Variants in SERPINE3 observed in about 807,000 individuals in gnomAD.
The protein encoded by SERPINE3 is serpin E3.
Under a neutral mutation model 41.7 loss-of-function variants are expected in SERPINE3, and 43 were observed. That is an observed-to-expected ratio of 1.03 (90% CI 0.81 to 1.33). The LOEUF (loss-of-function observed/expected upper bound fraction) is 1.33. SERPINE3 is among the 40% of genes most tolerant of loss of function. The pLI is 0.00. For synonymous variants in SERPINE3, 200 were observed against 192.2 expected, an observed-to-expected ratio of 1.04 and a Z score of -0.34; for missense variants, 440 against 491.7, an observed-to-expected ratio of 0.89 and a Z score of 0.99.
intron 4 of SERPINE3, among the ~76,000 whole-genome samples, chr13:51,346,050 T>A (rs1256308557): frequency 6.6e-6 from 1 of 152,206 alleles, no homozygotes; most frequent in Non-Finnish European, 1.5e-5. Context: ...GAGCCTCAGT[T>A]CCCTCACCTG....
intron 5 of SERPINE3, among the ~76,000 whole-genome samples, chr13:51,347,488 T>A (rs552250772): frequency 5.8e-4 from 88 of 152,244 alleles, no homozygotes; most frequent in Middle Eastern, 3.4e-3. Flanking sequence ...TGCCTGACAT[T>A]TCCTTCTGCA....
Position 51,364,597 on chromosome 13 carries a change from T to C in SERPINE3, c.*315T>C, listed in dbSNP as rs1363817623. 2 of 223,258 alleles carry C rather than the reference T, an allele frequency of 9.0e-6. No homozygotes were observed. Among genetic ancestry groups the C allele is most frequent in the African/African-American group, 4.6e-5 (2 of 43,924 alleles). 13.8% of individuals were successfully genotyped at this position (223,258 alleles called of 1,614,324 possible). A position where few individuals can be genotyped will look rare whatever the true frequency, so the allele number is the denominator to read the frequency against. ...CTCAGTACGGATACTCTAGGCCATGTTGAATTGAGGGTGGAGAATGAATAG... is the reference window on the plus strand; with the variant it reads ...CTCAGTACGGATACTCTAGGCCATGCTGAATTGAGGGTGGAGAATGAATAG... On this transcript the variant is annotated 3_prime_UTR_variant, in exon 10 of 10. Coordinates refer to ENST00000681248, the MANE Select transcript of SERPINE3 (RefSeq NM_001386375.1).
intron 5 of SERPINE3, 27 bp from the exon 6 acceptor site, chr13:51,348,186 C>T: frequency 6.5e-7 from 1 of 1,536,174 alleles, no homozygotes; most frequent in Non-Finnish European, 8.8e-7. Flanking sequence ...TGGGACAGAG[C>T]TGACCTCTGA....
At chr13:51,351,793 T>C (rs1304930164) in intron 6 of SERPINE3, among the ~76,000 whole-genome samples, 1 of 152,146 alleles carries the variant, frequency 6.6e-6, no homozygotes. Context: ...AGGTCTTTAA[T>C]CCATTTTGAA....
In SERPINE3 at chr13:51,355,121, A is replaced by T; in HGVS notation, c.978A>T (p.Lys326Asn). 6.5e-7 allele frequency: 1 copy of T among 1,537,430 alleles called. No homozygotes were observed. The highest frequency in any genetic ancestry group is 8.8e-7 in the Non-Finnish European group (1 of 1,132,668). ...WGVTDLFDPLKANLKGISGQD... is the reference protein window; with the variant it reads ...WGVTDLFDPLNANLKGISGQD... ...TCACCGATCTTTTTGATCCACTCAA[A>T]GCTAACTTGAAAGGAATTTCAGGTA... The change falls in exon 7 of 10, where the codon AAA becomes AAT. Residue 326 changes from lysine to asparagine, a missense_variant. By Grantham distance (94) the Lys-to-Asn change is moderately conservative. Coordinates refer to ENST00000681248, the MANE Select transcript of SERPINE3 (RefSeq NM_001386375.1).
intron 7 of SERPINE3, among the ~76,000 whole-genome samples, chr13:51,359,346 C>T (rs1227852434): frequency 6.6e-6 from 1 of 152,070 alleles, no homozygotes; most frequent in Non-Finnish European, 1.5e-5. Flanking sequence ...TCATTTTTAT[C>T]GCATATGTTG....
chr13:51,361,980 AATAAGCATT>A lies in SERPINE3; in HGVS notation c.1171+88_1171+96del, dbSNP rs1322551328. Reference sequence around the variant, plus strand: ...CTCATTTGTCCACTATCCCCTCAAAAATAAGCATTCTTTCTAGCTGTTTTTATGGTGCTT... The same window carrying A: ...CTCATTTGTCCACTATCCCCTCAAAACTTTCTAGCTGTTTTTATGGTGCTT... On this transcript the variant is annotated intron_variant, in intron 9 of 9. Coordinates refer to ENST00000681248, the MANE Select transcript of SERPINE3 (RefSeq NM_001386375.1). 5 of 1,610,882 alleles carry A rather than the reference AATAAGCATT, an allele frequency of 3.1e-6. No homozygotes were observed. The Admixed American group carries it at 6.7e-5, about 22-fold the overall frequency.
At chr13:51,348,716 G>A in intron 6 of SERPINE3, 1 of 332,430 alleles carries the variant, frequency 3.0e-6, no homozygotes, top group Non-Finnish European at 5.6e-6. Flanking sequence ...CCAGCCCTAG[G>A]CTGGACCAGT....
At chr13:51,348,844 T>C (rs1566192958) in intron 6 of SERPINE3, among the ~76,000 whole-genome samples, 1 of 152,282 alleles carries the variant, frequency 6.6e-6, no homozygotes, top group Non-Finnish European at 1.5e-5. Flanking sequence ...ACTTACGTAA[T>C]TGAGCAAGTA....
At chr13:51,361,073 A>G (rs1955566635) in intron 7 of SERPINE3, among the ~76,000 whole-genome samples, 1 of 152,070 alleles carries the variant, frequency 6.6e-6, no homozygotes, top group Admixed American at 6.6e-5. Flanking sequence ...AAAGTTTGGT[A>G]ACATATTGAG....
chr13:51,361,558 A>T, intron 8 of SERPINE3, 194 bp downstream of exon 8: 1 of 588,406 alleles, frequency 1.7e-6, no homozygotes, highest in Non-Finnish European at 3.0e-6. Context: ...TATCCATCCC[A>T]TAAAAATAAT....
intron 7 of SERPINE3, among the ~76,000 whole-genome samples, chr13:51,359,972 A>C (rs1240594763): frequency 6.6e-6 from 1 of 152,012 alleles, no homozygotes; most frequent in Non-Finnish European, 1.5e-5. Context: ...ATTGATTTTT[A>C]CTTCCTCTGG....
intron 6 of SERPINE3, among the ~76,000 whole-genome samples, chr13:51,351,485 G>T (rs539075838): frequency 6.6e-6 from 1 of 151,984 alleles, no homozygotes; most frequent in East Asian, 1.9e-4. Context: ...TATTTAAATT[G>T]GTTGTCTTTT....
intron 8 of SERPINE3, 121 bp from the exon 9 acceptor site, chr13:51,361,689 A>C (rs1955580297): frequency 4.5e-6 from 4 of 879,900 alleles, no homozygotes; most frequent in African/African-American, 3.4e-5. Flanking sequence ...TCACAACAGT[A>C]AACAATCAAA....
intron 4 of SERPINE3, 135 bp downstream of exon 4, chr13:51,344,620 C>T: frequency 1.4e-6 from 1 of 697,726 alleles, no homozygotes; most frequent in South Asian, 1.8e-5. Context: ...TTAGGAGATC[C>T]TACCCTTGAA....
chr13:51,350,960 A>G (rs1955397238), intron 6 of SERPINE3, among the ~76,000 whole-genome samples: 1 of 152,202 alleles, frequency 6.6e-6, no homozygotes, highest in Non-Finnish European at 1.5e-5. Flanking sequence ...GGTTCATAGT[A>G]GCATGAATCA....
chr13:51,341,625 G>A (rs1955292751), intron 3 of SERPINE3, among the ~76,000 whole-genome samples: 1 of 152,172 alleles, frequency 6.6e-6, no homozygotes, highest in East Asian at 1.9e-4. Context: ...GAATTTTAAG[G>A]TTCCCTTCTA....
chr13:51,353,235 T>G (rs1432598331), intron 6 of SERPINE3, among the ~76,000 whole-genome samples: 1 of 152,238 alleles, frequency 6.6e-6, no homozygotes, highest in South Asian at 2.1e-4. Flanking sequence ...TATCCAGTTT[T>G]ATTACCCACC....
intron 7 of SERPINE3, among the ~76,000 whole-genome samples, chr13:51,359,187 G>C (rs757678651): frequency 6.6e-6 from 1 of 151,996 alleles, no homozygotes; most frequent in African/African-American, 2.4e-5. Flanking sequence ...AGTAGAAAAA[G>C]ACCAGGAGAA....
Sources: allele counts gnomAD v4.1 joint callset (sites outside exome capture counted in the v4.1 genomes callset), GRCh38; gene constraint gnomAD v4.1.1; transcripts MANE v1.5; gene names NCBI Gene and HGNC (gene_info 2026-07-23, HGNC 2026-07-21).